The following NLRP1 variants were observed in gnomAD, a reference collection of about 807,000 sequenced individuals.
NLRP1 encodes the protein NLR family pyrin domain containing 1, also known as NACHT, LRR and PYD domains-containing protein 1.
NLRP1 carries 94 observed loss-of-function variants against 136.7 expected under a neutral mutation model. The ratio of observed to expected loss-of-function variants is 0.69; its 90% CI spans 0.58 to 0.82. The LOEUF is 0.82. Ranked by LOEUF, NLRP1 falls within the 40% of genes least tolerant of loss-of-function variation. The pLI is 0.00. For missense variants in NLRP1, 1,575 were observed against 1,802.7 expected (o/e 0.87, Z 2.29); for synonymous variants, 690 against 725.1 (o/e 0.95, Z 0.78).
In NLRP1 at chr17:5,583,931, C is replaced by G. The variant is rs780892613; in HGVS notation, c.27G>C (p.Leu9=). 6.2e-7 allele frequency: 1 copy of G among 1,609,200 alleles called. No homozygotes were observed. The highest frequency in any genetic ancestry group is 8.5e-7 in the Non-Finnish European group (1 of 1,177,674). The change falls in exon 1 of 17, where the codon CTG becomes CTC. Residue 9 remains leucine (L), a synonymous_variant. Transcript: ENST00000572272. This position sits in a 1 kb window ranked among gnomAD's most constrained non-coding sequence, Gnocchi z 4.5. ...TCTTCAGGAACTCCAAGTAACAGGC[C>G]AGGCGGCCCCAGGCTCCGCCAGCCA... MAGGAWGR[L]ACYLEFLKKE...
intron 10 of NLRP1, 60 bp downstream of exon 10, chr17:5,533,244 G>C: frequency 6.4e-7 from 1 of 1,550,496 alleles, no homozygotes; most frequent in Non-Finnish European, 8.7e-7. Context: ...TGCCCAGGTG[G>C]GCAGGTTGAG....
Position 5,559,089 on chromosome 17 carries a change from C to T in NLRP1, c.1607G>A (p.Arg536Gln), listed in dbSNP as rs138756363. The change falls in exon 4 of 17, where the codon CGG becomes CAG. Residue 536 changes from arginine to glutamine, a missense_variant. Physicochemically the swap from Arg to Gln is conservative, Grantham distance 43. Transcript: ENST00000572272. ...ACTCLMQQMK[R>Q]KEKLTLTSKT... ...GGAAGTCAGTGTGAGTTTTTCCTTC[C>T]GCTTCATCTGCTGCATCAGGCAAGT... 9.4e-5 allele frequency: 151 copies of T among 1,614,148 alleles called. No homozygotes were observed. The highest frequency in any genetic ancestry group is 6.1e-4 in the African/African-American group (46 of 75,026).
At chr17:5,565,371 A>T (rs573591791) in intron 3 of NLRP1, among the ~76,000 whole-genome samples, 1 of 152,268 alleles carries the variant, frequency 6.6e-6, no homozygotes, top group Non-Finnish European at 1.5e-5. Flanking sequence ...CTCCTTATAT[A>T]TTCTGGTTAT....
At chr17:5,510,769 T>C (rs1248683300), downstream of NLRP1, among the ~76,000 whole-genome samples, 1 of 152,212 alleles carries the variant, frequency 6.6e-6, no homozygotes, top group Non-Finnish European at 1.5e-5. Flanking sequence ...TCAATAGATC[T>C]TCAGGCCTTC....
intron 11 of NLRP1, 91 bp from the exon 12 acceptor site, chr17:5,530,795 G>A (rs1201724081): frequency 8.5e-6 from 8 of 944,666 alleles, no homozygotes; most frequent in South Asian, 1.4e-5. Flanking sequence ...TTGCGGATAC[G>A]GTACAGTGGC....
Position 5,541,925 on chromosome 17 carries a change from G to A in NLRP1, c.2631C>T (p.Leu877=), listed in dbSNP as rs752534412. 17 of 1,614,112 alleles carry A rather than the reference G, an allele frequency of 1.1e-5. No individual in the cohort carries two copies. The highest frequency in any genetic ancestry group is 1.4e-5 in the Non-Finnish European group (16 of 1,180,040). ...AAAGGTGTTTGGCTCCAGCATCCGT[G>A]AGCACATTGAAGCTCAGGTCCAGCT... ...LTELDLSFNV[L]TDAGAKHLCQ... is the part of the protein sequence containing the mutation. Residue 877 remains leucine, a synonymous_variant, in exon 6 of 17, where the codon CTC becomes CTT. Transcript: ENST00000572272. The surrounding 1 kb of genome is among the most constrained non-coding windows in gnomAD (Gnocchi z 4.2).
At chr17:5,557,420 C>T (rs556530763) in intron 4 of NLRP1, among the ~76,000 whole-genome samples, 2 of 152,276 alleles carry the variant, frequency 1.3e-5, no homozygotes, top group South Asian at 4.1e-4. Flanking sequence ...ATCTTTATTA[C>T]CCACTCGTGT....
rs138334904 is a variant in NLRP1 at position 5,525,408 on chromosome 17, G to A, written c.3521-3622C>T. Among the ~76,000 whole-genome samples, 763 of 152,322 alleles carry A rather than the reference G, an allele frequency of 5.0e-3. 2 individuals carry two copies. Among genetic ancestry groups the A allele is most frequent in the Non-Finnish European group, 9.5e-3 (649 of 68,016 alleles). On this transcript the variant is annotated intron_variant, in intron 12 of 16. Transcript: ENST00000572272. ...TTCCTCCTTTCCCAGCCGCATGCCC[G>A]GTGTTTGCCTTGGGACATTGCTGCT...
intron 16 of NLRP1, 150 bp downstream of exon 16, chr17:5,515,323 G>T: frequency 1.3e-6 from 1 of 762,858 alleles, no homozygotes. Flanking sequence ...AAGGGGGTAT[G>T]GGGAGCGACC....
chr17:5,556,108 C>A (rs574067532), intron 4 of NLRP1, among the ~76,000 whole-genome samples: 2 of 135,546 alleles, frequency 1.5e-5, no homozygotes, highest in African/African-American at 5.5e-5. Flanking sequence ...GTCTCTGTCT[C>A]TCTCTCTACA....
chr17:5,545,515 C>CAG, intron 5 of NLRP1, among the ~76,000 whole-genome samples: 1 of 139,098 alleles, frequency 7.2e-6, no homozygotes, highest in Non-Finnish European at 1.6e-5. Flanking sequence ...CACACACATA[C>CAG]ACACACAGAC....
At chr17:5,507,078 C>T (rs1173441527) in intron 15 of NLRP1, among the ~76,000 whole-genome samples, 1 of 151,862 alleles carries the variant, frequency 6.6e-6, no homozygotes, top group Admixed American at 6.6e-5. Context: ...ATAGTGGTTC[C>T]CAGGGGCTGA....
intron 15 of NLRP1, chr17:5,502,021 G>T (rs3809845): frequency 1.5e-6 from 1 of 668,554 alleles, no homozygotes; most frequent in East Asian, 2.8e-5. Context: ...GCCCCGGGGT[G>T]AACCAAGGCC....
chr17:5,532,106 A>G (rs2151757635), intron 11 of NLRP1, among the ~76,000 whole-genome samples: 1 of 152,254 alleles, frequency 6.6e-6, no homozygotes, highest in East Asian at 1.9e-4. Context: ...CATTTTTCAC[A>G]CGTGGTGGCA....
chr17:5,513,133 T>C (rs867982899), downstream of NLRP1, among the ~76,000 whole-genome samples: 17 of 152,362 alleles, frequency 1.1e-4, no homozygotes, highest in African/African-American at 3.6e-4. Context: ...CATTAACCTT[T>C]TTTTCTTCTG....
At chr17:5,573,139 G>A (rs78673460) in intron 3 of NLRP1, among the ~76,000 whole-genome samples, 5 of 152,218 alleles carry the variant, frequency 3.3e-5, no homozygotes, top group East Asian at 1.9e-4. Context: ...CTTTTCCAAC[G>A]GTCTTTGCAA....
chr17:5,514,412 A>C lies in NLRP1; in HGVS notation c.*342T>G. Reference sequence around the variant, plus strand: ...TCACCCTGTGACACAGCCAGAGGCAAATGGTTCCATGTCCCTCCTATTCCT... The same window carrying C: ...TCACCCTGTGACACAGCCAGAGGCACATGGTTCCATGTCCCTCCTATTCCT... On this transcript the variant is annotated 3_prime_UTR_variant, in exon 17 of 17. Transcript: ENST00000572272. The C allele has an allele frequency of 8.8e-7, 1 of 1,134,404 alleles. No homozygotes were observed. The allele number at this position is 1,134,404 out of a possible 1,614,324, so 70.3% of individuals were successfully genotyped here.
intron 12 of NLRP1, among the ~76,000 whole-genome samples, chr17:5,526,962 CAAGT>C (rs916210942): frequency 6.6e-6 from 1 of 152,150 alleles, no homozygotes; most frequent in Non-Finnish European, 1.5e-5. Flanking sequence ...CACCAGTGCC[CAAGT>C]CCTAAATCAG....
chr17:5,511,763 T>C (rs573387833), downstream of NLRP1, among the ~76,000 whole-genome samples: 16 of 145,184 alleles, frequency 1.1e-4, no homozygotes, highest in Non-Finnish European at 1.6e-4. Context: ...TTCTTTTTCT[T>C]TCTCTTTCTC....
Sources: allele counts gnomAD v4.1 joint callset (sites outside exome capture counted in the v4.1 genomes callset), GRCh38; gene constraint gnomAD v4.1.1; non-coding constraint Gnocchi (gnomAD v3.1); transcripts MANE v1.5; gene names NCBI Gene and HGNC (gene_info 2026-07-23, HGNC 2026-07-21).